The following CPPED1 variants were observed in gnomAD, a reference collection of about 807,000 sequenced individuals.
CPPED1 encodes the protein serine/threonine-protein phosphatase CPPED1.
CPPED1 carries 28 observed loss-of-function variants against 28.0 expected under a neutral mutation model. The ratio of observed to expected loss-of-function variants is 1.00; its 90% CI spans 0.74 to 1.37. The LOEUF (loss-of-function observed/expected upper bound fraction) is 1.37, where lower values mean the gene tolerates loss of function less well. CPPED1 is among the 40% of genes most tolerant of loss of function. The pLI, the probability that CPPED1 is intolerant of heterozygous loss-of-function variation, is 0.00. For missense variants in CPPED1, 504 were observed against 416.5 expected (o/e 1.21, Z -1.83); for synonymous variants, 198 against 180.2 (o/e 1.10, Z -0.79).
chr16:12,766,271 A>AGG (rs2080438380), intron 2 of CPPED1, among the ~76,000 whole-genome samples: 3 of 144,020 alleles, frequency 2.1e-5, no homozygotes, highest in Admixed American at 1.4e-4. Flanking sequence ...AGAGAGAGAG[A>AGG]GAGAGGGAGA....
At chr16:12,676,579 G>C (rs1233857166) in intron 3 of CPPED1, among the ~76,000 whole-genome samples, 1 of 152,106 alleles carries the variant, frequency 6.6e-6, no homozygotes, top group Non-Finnish European at 1.5e-5. Context: ...GGCCAATTCA[G>C]AAGCACAGGC....
At chr16:12,739,849 C>T (rs568646362) in intron 2 of CPPED1, among the ~76,000 whole-genome samples, 1 of 152,246 alleles carries the variant, frequency 6.6e-6, no homozygotes, top group South Asian at 2.1e-4. Flanking sequence ...GGTACTGCCT[C>T]CCTTCCTGCC....
intron 1 of CPPED1, among the ~76,000 whole-genome samples, chr16:12,786,781 T>C (rs2080565874): frequency 6.6e-6 from 1 of 152,122 alleles, no homozygotes; most frequent in South Asian, 2.1e-4. Flanking sequence ...TAGTCAGGCA[T>C]GGTGGCATGC....
chr16:12,695,272 C>T (rs973769731), intron 3 of CPPED1, among the ~76,000 whole-genome samples: 4 of 152,078 alleles, frequency 2.6e-5, no homozygotes, highest in African/African-American at 7.2e-5. Flanking sequence ...TTTTTATTTA[C>T]TTATTTTTTT....
At chr16:12,790,478 C>G (rs1336690694) in intron 1 of CPPED1, among the ~76,000 whole-genome samples, 1 of 152,148 alleles carries the variant, frequency 6.6e-6, no homozygotes, top group Non-Finnish European at 1.5e-5. Flanking sequence ...TAGGAAAAGG[C>G]CTGGGGGCCA....
chr16:12,687,545 C>A lies in CPPED1; in HGVS notation c.715+17079G>T, dbSNP rs371241544. Among the ~76,000 whole-genome samples the A allele has an allele frequency of 4.6e-5, 7 of 152,228 alleles. 1 individual carries two copies. In the East Asian group the frequency reaches 9.7e-4, roughly 21 times the overall value. On this transcript the variant is annotated intron_variant, in intron 3 of 3. Coordinates refer to ENST00000381774, the MANE Select transcript of CPPED1 (RefSeq NM_018340.3). The stretch of plus-strand genomic sequence containing the variant: ...CAGCACTTTGGGAGGCTGAGGTGGG[C>A]AGATCACTTGACATCAGGAATTTGA...
chr16:12,800,377 G>C lies in CPPED1; in HGVS notation c.70+3330C>G, dbSNP rs558694284. Among the ~76,000 whole-genome samples the C allele has an allele frequency of 2.4e-4, 36 of 150,962 alleles. No homozygotes were observed. In the South Asian group the frequency reaches 7.6e-3, roughly 32 times the overall value. ...CGTTTGAACGTGGGAGGTGGAGGTT[G>C]CAGTGAGTAGCATCACTGCACTGCA... On this transcript the variant is annotated intron_variant, in intron 1 of 3. Transcript: ENST00000381774.
intron 1 of CPPED1, among the ~76,000 whole-genome samples, chr16:12,790,015 A>G (rs1291551230): frequency 4.1e-4 from 63 of 152,222 alleles, no homozygotes; most frequent in Admixed American, 4.1e-3. Flanking sequence ...ATAAATACAC[A>G]GTGAATTTTG....
At chr16:12,695,242 C>T (rs1226766378) in intron 3 of CPPED1, among the ~76,000 whole-genome samples, 1 of 152,176 alleles carries the variant, frequency 6.6e-6, no homozygotes, top group Non-Finnish European at 1.5e-5. Context: ...GAGGCTCAAG[C>T]TGCCTCCTTA....
intron 3 of CPPED1, among the ~76,000 whole-genome samples, chr16:12,681,189 T>C (rs1462317199): frequency 6.6e-6 from 1 of 150,672 alleles, no homozygotes; most frequent in Non-Finnish European, 1.5e-5. Context: ...GTTTAAGTGT[T>C]ATAAACTTAA....
At chr16:12,747,093 G>C (rs1306617225) in intron 2 of CPPED1, among the ~76,000 whole-genome samples, 1 of 151,958 alleles carries the variant, frequency 6.6e-6, no homozygotes, top group Non-Finnish European at 1.5e-5. Context: ...GAAGAAGAAT[G>C]GGAAATAAAT....
At chr16:12,669,162 G>C (rs1260456603) in intron 3 of CPPED1, among the ~76,000 whole-genome samples, 2 of 152,156 alleles carry the variant, frequency 1.3e-5, no homozygotes, top group Non-Finnish European at 2.9e-5. Flanking sequence ...AAGGAATAAA[G>C]TGTTGATACA....
chr16:12,665,130 A>T lies in CPPED1; in HGVS notation c.716-15T>A, dbSNP rs2079818664. 1 of 1,587,366 alleles carries T rather than the reference A, an allele frequency of 6.3e-7. No homozygotes were observed. The highest frequency in any genetic ancestry group is 2.3e-5 in the East Asian group (1 of 44,248). ...GACTTTGACACCTGCAGAGAAGGGA[A>T]AAAGTCATTAGGGGGCCGAGGACTT... On this transcript the variant is annotated splice_polypyrimidine_tract_variant and intron_variant, in intron 3 of 3. Coordinates refer to ENST00000381774, the MANE Select transcript of CPPED1 (RefSeq NM_018340.3).
chr16:12,686,241 A>ATATATATATATT (rs35644844), intron 3 of CPPED1, among the ~76,000 whole-genome samples: 15 of 106,970 alleles, frequency 1.4e-4, no homozygotes, highest in African/African-American at 5.3e-4. Flanking sequence ...ATATATATAT[A>ATATATATATATT]TTTTTTTTTT....
chr16:12,799,226 G>A (rs900930903), intron 1 of CPPED1, among the ~76,000 whole-genome samples: 22 of 146,774 alleles, frequency 1.5e-4, no homozygotes, highest in African/African-American at 5.8e-4. Flanking sequence ...GTTTTGGCAA[G>A]AGAAGGGGAA....
chr16:12,797,329 T>C (rs375187545), intron 1 of CPPED1, among the ~76,000 whole-genome samples: 3 of 152,186 alleles, frequency 2.0e-5, no homozygotes, highest in African/African-American at 4.8e-5. Context: ...GGCAGGAGGA[T>C]TGCTCGGGTC....
rs1354092152 is a variant in CPPED1 at position 12,709,024 on chromosome 16, G to C, written c.290-3975C>G. Among the ~76,000 whole-genome samples, 1 of 152,168 alleles carries C rather than the reference G, an allele frequency of 6.6e-6. No homozygotes were observed. Among genetic ancestry groups the C allele is most frequent in the East Asian group, 1.9e-4 (1 of 5,198 alleles). On this transcript the variant is annotated intron_variant, in intron 2 of 3. Transcript: ENST00000381774. This position sits in a 1 kb window ranked among gnomAD's most constrained non-coding sequence, Gnocchi z 4.4. ...GAACCCGGGAGGCAGAGGTTGCAGTGAGCCAATATCGCACTATTGCATTCC... is the reference window on the plus strand; with the variant it reads ...GAACCCGGGAGGCAGAGGTTGCAGTCAGCCAATATCGCACTATTGCATTCC...
At position 12,731,516 on chromosome 16, in the gene CPPED1, G is replaced by A. The variant is rs2080197507; in HGVS notation, c.290-26467C>T. On this transcript the variant is annotated intron_variant, in intron 2 of 3. Transcript: ENST00000381774. ...GGATGGAGTCTTTTCCTTCCATTTG[G>A]CTCCTAGAACACTTAGAGCGAAAGA... Among the ~76,000 whole-genome samples the A allele has an allele frequency of 2.0e-5, 3 of 151,860 alleles. No individual in the cohort carries two copies. The South Asian group carries it at 6.2e-4, about 32-fold the overall frequency.
At chr16:12,781,041 A>T in intron 2 of CPPED1, 144 bp downstream of exon 2, 1 of 659,404 alleles carries the variant, frequency 1.5e-6, no homozygotes, top group South Asian at 1.9e-5. Context: ...CTGATGTTCA[A>T]TGATACTGCA....
Sources: allele counts gnomAD v4.1 joint callset (sites outside exome capture counted in the v4.1 genomes callset), GRCh38; gene constraint gnomAD v4.1.1; non-coding constraint Gnocchi (gnomAD v3.1); transcripts MANE v1.5; gene names NCBI Gene and HGNC (gene_info 2026-07-23, HGNC 2026-07-21).